The following ARHGAP8 variants were observed in gnomAD, a reference collection of about 807,000 sequenced individuals.
The protein encoded by ARHGAP8 is Rho GTPase activating protein 8.
A neutral mutation model predicts 46.1 loss-of-function variants in ARHGAP8; 62 were observed. The ratio of observed to expected loss-of-function variants is 1.34; its 90% CI spans 1.10 to 1.66. ARHGAP8 has a LOEUF of 1.66. Among genes scored for constraint, ARHGAP8 ranks in the 40% most tolerant of loss-of-function variants. The pLI is 0.00. For synonymous variants in ARHGAP8, 375 were observed against 243.1 expected, an observed-to-expected ratio of 1.54 and a Z score of -5.05; for missense variants, 923 against 568.4, an observed-to-expected ratio of 1.62 and a Z score of -6.34.
At chr22:44,766,534 G>T (rs1376983547) in intron 1 of ARHGAP8, among the ~76,000 whole-genome samples, 1 of 152,118 alleles carries the variant, frequency 6.6e-6, no homozygotes, top group Non-Finnish European at 1.5e-5. Flanking sequence ...GTGTCTGTAG[G>T]CATGTGTGTC....
intron 4 of ARHGAP8, among the ~76,000 whole-genome samples, chr22:44,810,184 C>T (rs897891396): frequency 2.8e-4 from 43 of 151,896 alleles, no homozygotes; most frequent in Non-Finnish European, 3.8e-4. Context: ...GCTGTGATCC[C>T]GGACCTGTCT....
In ARHGAP8 at chr22:44,768,919, G is replaced by A. The variant is rs113063701; in HGVS notation, c.-72+16292G>A. 2.3e-4 allele frequency among the ~76,000 whole-genome samples: 35 copies of A among 149,074 alleles called. 1 individual carries two copies. Among genetic ancestry groups the A allele is most frequent in the African/African-American group, 7.7e-4 (31 of 40,456 alleles). ...GCGCGATCTCGGCTCACCGCAACCC[G>A]CTTCTCCTGGGCCCAAGTGATTTTC... On this transcript the variant is annotated intron_variant, in intron 1 of 11. Coordinates refer to ENST00000356099, the MANE Select transcript of ARHGAP8 (RefSeq NM_181335.3).
chr22:44,801,259 T>C (rs1369526925), intron 2 of ARHGAP8, among the ~76,000 whole-genome samples: 1 of 109,930 alleles, frequency 9.1e-6, no homozygotes, highest in Non-Finnish European at 1.8e-5. Flanking sequence ...TCCCCGCAGC[T>C]GTCTATGTGT....
chr22:44,810,608 G>T (rs540798411), intron 4 of ARHGAP8, among the ~76,000 whole-genome samples: 2 of 152,206 alleles, frequency 1.3e-5, no homozygotes, highest in Non-Finnish European at 2.9e-5. Flanking sequence ...AAGTACCAAG[G>T]TTCCAGCTGG....
chr22:44,792,021 C>T (rs3788623), intron 2 of ARHGAP8, among the ~76,000 whole-genome samples: 220 of 78,110 alleles, frequency 2.8e-3, no homozygotes, highest in African/African-American at 7.0e-3. Context: ...TTCTTTCTTT[C>T]TTTTTTTTTT....
chr22:44,858,851 C>T (rs558979781), intron 10 of ARHGAP8, among the ~76,000 whole-genome samples: 134 of 151,282 alleles, frequency 8.9e-4, no homozygotes, highest in Non-Finnish European at 1.6e-3. Flanking sequence ...GCAGGCAGTT[C>T]GTCTAGAGCA....
At chr22:44,787,203 T>C (rs1453125062) in intron 2 of ARHGAP8, among the ~76,000 whole-genome samples, 6 of 152,180 alleles carry the variant, frequency 3.9e-5, no homozygotes, top group Non-Finnish European at 8.8e-5. Flanking sequence ...ATTTAATGAA[T>C]TGTTTTATTA....
At chr22:44,807,798 C>A (rs1929038348) in intron 3 of ARHGAP8, among the ~76,000 whole-genome samples, 1 of 152,198 alleles carries the variant, frequency 6.6e-6, no homozygotes. Flanking sequence ...TGTCAGCAGT[C>A]CTGGGCCTTC....
chr22:44,829,403 G>C (rs192259087), intron 7 of ARHGAP8, among the ~76,000 whole-genome samples: 11 of 152,170 alleles, frequency 7.2e-5, no homozygotes, highest in Non-Finnish European at 2.9e-5. Context: ...TAGGCCTCTC[G>C]GCTCCTAGAA....
chr22:44,772,153 G>T (rs1441146259), intron 1 of ARHGAP8, among the ~76,000 whole-genome samples: 2 of 125,080 alleles, frequency 1.6e-5, no homozygotes, highest in African/African-American at 5.9e-5. Context: ...TTCTGTATCT[G>T]TTTTTTTCCT....
intron 10 of ARHGAP8, among the ~76,000 whole-genome samples, chr22:44,858,270 G>A (rs1396530361): frequency 6.6e-6 from 1 of 152,204 alleles, no homozygotes; most frequent in Non-Finnish European, 1.5e-5. Context: ...TGGGTACACA[G>A]TAGCATAGGC....
At position 44,859,680 on chromosome 22, in the gene ARHGAP8, C is replaced by T. The variant is rs115114957; in HGVS notation, c.878-51C>T. The stretch of plus-strand genomic sequence containing the variant: ...GTTCTCCTCCCGGGCCGGGATGCAG[C>T]GCTGCCCCTGGCCCCTCTGGAGCTC... On this transcript the variant is annotated intron_variant, in intron 10 of 11. Transcript: ENST00000356099. The T allele has an allele frequency of 8.0e-4, 1,276 of 1,594,674 alleles. 8 individuals are homozygous for T. The African/African-American group carries it at 0.013, about 16-fold the overall frequency.
intron 7 of ARHGAP8, among the ~76,000 whole-genome samples, chr22:44,844,045 C>T (rs1366090468): frequency 6.6e-6 from 1 of 152,170 alleles, no homozygotes; most frequent in Non-Finnish European, 1.5e-5. Flanking sequence ...GATCTTGGCT[C>T]CCTGCAACTT....
chr22:44,848,724 G>C (rs532864399), intron 9 of ARHGAP8, among the ~76,000 whole-genome samples: 1 of 152,146 alleles, frequency 6.6e-6, no homozygotes. Context: ...CTGGGAGCCC[G>C]GGAGGAGGCA....
Position 44,859,739 on chromosome 22 carries a change from A to G in ARHGAP8, c.886A>G (p.Ser296Gly), listed in dbSNP as rs140395831. ...EQILGITCVE[S>G]SLRVTGCRQI... ...GCCCCATGCCCTTCCAGGTGTGGAG[A>G]GCAGCCTGCGTGTCACTGGCTGCCG... Residue 296 changes from serine (S) to glycine (G), a missense_variant, in exon 11 of 12, where the codon AGC (serine) becomes GGC (glycine). Physicochemically the swap from Ser to Gly is moderately conservative, Grantham distance 56 (BLOSUM62 0). Coordinates refer to ENST00000356099, the MANE Select transcript of ARHGAP8 (RefSeq NM_181335.3). The G allele has an allele frequency of 2.5e-6, 4 of 1,613,626 alleles. No individual in the cohort carries two copies. The highest frequency in any genetic ancestry group is 3.4e-6 in the Non-Finnish European group (4 of 1,180,000).
intron 2 of ARHGAP8, among the ~76,000 whole-genome samples, chr22:44,787,675 C>T (rs1307253752): frequency 6.6e-6 from 1 of 152,118 alleles, no homozygotes; most frequent in Non-Finnish European, 1.5e-5. Flanking sequence ...TCTGAGCATG[C>T]ATTTCTCCCA....
At position 44,862,591 on chromosome 22, in the gene ARHGAP8, T is replaced by G. The variant is rs762411913; in HGVS notation, c.1298T>G (p.Leu433Arg). 7.6e-6 allele frequency: 12 copies of G among 1,573,918 alleles called. No individual in the cohort carries two copies. The highest frequency in any genetic ancestry group is 3.5e-5 in the Admixed American group (2 of 56,820). ...PSPLMAARRR[L>R] ...CCCCTGATGGCAGCCAGAAGACGTC[T>G]CTAGTGTTGCGAACACTCTGTATAT... is the stretch of plus-strand genomic sequence containing the variant. Residue 433 changes from leucine (L) to arginine (R), a missense_variant, in exon 12 of 12, where the codon CTC (leucine) becomes CGC (arginine). Leu to Arg is a moderately radical substitution (Grantham distance 102). Transcript: ENST00000356099.
intron 4 of ARHGAP8, among the ~76,000 whole-genome samples, chr22:44,811,932 G>T (rs1034432837): frequency 2.0e-5 from 3 of 151,672 alleles, no homozygotes; most frequent in African/African-American, 7.3e-5. Context: ...GGGAGGCAGA[G>T]GTTGCAGTGA....
At chr22:44,828,789 C>T (rs950580242) in intron 7 of ARHGAP8, among the ~76,000 whole-genome samples, 32 of 152,142 alleles carry the variant, frequency 2.1e-4, no homozygotes, top group East Asian at 3.9e-4. Context: ...GTTTTCCCCA[C>T]GTTCCTGAAG....
Sources: allele counts gnomAD v4.1 joint callset (sites outside exome capture counted in the v4.1 genomes callset), GRCh38; gene constraint gnomAD v4.1.1; transcripts MANE v1.5; gene names NCBI Gene and HGNC (gene_info 2026-07-23, HGNC 2026-07-21).